Variants in ENOX1 observed in about 807,000 individuals in gnomAD.
The protein encoded by ENOX1 is ecto-NOX disulfide-thiol exchanger 1.
In ENOX1, 42 loss-of-function variants were observed where a neutral mutation model predicts 82.5. The observed-to-expected ratio is 0.51, with a 90% confidence interval of 0.40 to 0.66. The LOEUF is 0.66. Among genes scored for constraint, ENOX1 ranks in the 30% least tolerant of loss-of-function variants. The pLI is 0.00. For missense variants in ENOX1, 608 were observed against 811.6 expected (o/e 0.75, Z 3.05); for synonymous variants, 271 against 282.2 (o/e 0.96, Z 0.40).
chr13:43,616,178 C>A (rs368592885), intron 2 of ENOX1, among the ~76,000 whole-genome samples: 471 of 6,216 alleles, frequency 0.076, 60 homozygotes, highest in East Asian at 0.14. Flanking sequence ...ATCTATCTAT[C>A]TATCTATCTA....
At chr13:43,616,204 ATTTTTT>A (rs58543927) in intron 2 of ENOX1, among the ~76,000 whole-genome samples, 609 of 15,312 alleles carry the variant, frequency 0.04, 169 homozygotes, top group Non-Finnish European at 0.092. Flanking sequence ...ATATATATAT[ATTTTTT>A]TTTTTTTTTT....
At chr13:43,604,421 T>TA (rs1243250085) in intron 2 of ENOX1, among the ~76,000 whole-genome samples, 2 of 152,162 alleles carry the variant, frequency 1.3e-5, no homozygotes, top group Non-Finnish European at 2.9e-5. Flanking sequence ...AAAGCAGTAC[T>TA]AAAAAATTTT....
chr13:43,586,529 C>T (rs188706218), intron 2 of ENOX1, among the ~76,000 whole-genome samples: 1 of 152,310 alleles, frequency 6.6e-6, no homozygotes, highest in East Asian at 1.9e-4. Context: ...TCCTTGAGGG[C>T]TGGGACCTCT....
At chr13:43,364,370 G>A (rs1339634940) in intron 5 of ENOX1, among the ~76,000 whole-genome samples, 1 of 152,152 alleles carries the variant, frequency 6.6e-6, no homozygotes, top group African/African-American at 2.4e-5. Flanking sequence ...ATCCAATTAC[G>A]TATACAGTAG....
At chr13:43,533,186 T>TGATTTTG in intron 2 of ENOX1, among the ~76,000 whole-genome samples, 1 of 152,250 alleles carries the variant, frequency 6.6e-6, no homozygotes, top group South Asian at 2.1e-4. Flanking sequence ...AGTAATGACC[T>TGATTTTG]GATTTTGGAG....
intron 12 of ENOX1, among the ~76,000 whole-genome samples, chr13:43,275,235 G>A (rs946784200): frequency 3.3e-5 from 5 of 152,144 alleles, no homozygotes; most frequent in East Asian, 1.9e-4. Context: ...CAAATTTGAC[G>A]TCCCTTTAAG....
At chr13:43,734,548 G>A (rs2089513119) in intron 1 of ENOX1, among the ~76,000 whole-genome samples, 1 of 152,166 alleles carries the variant, frequency 6.6e-6, no homozygotes, top group Non-Finnish European at 1.5e-5. Context: ...AAATCCTCCT[G>A]GAGGAGGCAA....
chr13:43,579,694 A>G (rs1390942568), intron 2 of ENOX1, among the ~76,000 whole-genome samples: 2 of 152,228 alleles, frequency 1.3e-5, no homozygotes, highest in Non-Finnish European at 2.9e-5. Context: ...GCTTGCTCAG[A>G]AGGCTCATGG....
intron 2 of ENOX1, among the ~76,000 whole-genome samples, chr13:43,570,209 C>T (rs927539885): frequency 6.6e-6 from 1 of 152,138 alleles, no homozygotes; most frequent in African/African-American, 2.4e-5. Flanking sequence ...AGTCACGTTT[C>T]AAAGTCCCAG....
chr13:43,633,287 C>A (rs577173397), intron 2 of ENOX1, among the ~76,000 whole-genome samples: 1 of 152,080 alleles, frequency 6.6e-6, no homozygotes, highest in Non-Finnish European at 1.5e-5. Context: ...TTTTCATAGA[C>A]CATTGATGAG....
intron 2 of ENOX1, among the ~76,000 whole-genome samples, chr13:43,536,283 C>T (rs1203889320): frequency 6.6e-6 from 1 of 152,174 alleles, no homozygotes; most frequent in African/African-American, 2.4e-5. Context: ...AGATTAACCT[C>T]TATAATCACT....
chr13:43,655,833 A>G (rs2084406663), intron 2 of ENOX1, among the ~76,000 whole-genome samples: 1 of 152,156 alleles, frequency 6.6e-6, no homozygotes, highest in Admixed American at 6.5e-5. Flanking sequence ...CCGTTCTGGA[A>G]AAGTTCAAGA....
intron 1 of ENOX1, among the ~76,000 whole-genome samples, chr13:43,670,431 C>T (rs1369855431): frequency 6.6e-6 from 1 of 152,148 alleles, no homozygotes; most frequent in Non-Finnish European, 1.5e-5. Context: ...ATTCCAGCCC[C>T]TAGATACCAT....
intron 10 of ENOX1, among the ~76,000 whole-genome samples, chr13:43,326,056 C>T (rs894189321): frequency 6.6e-6 from 1 of 151,622 alleles, no homozygotes; most frequent in African/African-American, 2.4e-5. Flanking sequence ...GTCATCATCA[C>T]GTAGAACACT....
chr13:43,642,238 A>ACACCCAGGT (rs903381205), intron 2 of ENOX1, among the ~76,000 whole-genome samples: 3 of 152,168 alleles, frequency 2.0e-5, no homozygotes, highest in African/African-American at 7.2e-5. Context: ...ACACATATGA[A>ACACCCAGGT]CACCCAGGTC....
intron 2 of ENOX1, chr13:43,544,327 G>A (rs901028115): frequency 6.6e-6 from 1 of 152,190 alleles, no homozygotes; most frequent in Non-Finnish European, 1.5e-5. Flanking sequence ...CTAGATTGTT[G>A]TAAGGAGTGG....
intron 2 of ENOX1, among the ~76,000 whole-genome samples, chr13:43,501,043 T>A (rs2076962969): frequency 6.6e-6 from 1 of 151,798 alleles, no homozygotes; most frequent in African/African-American, 2.4e-5. Context: ...AATAGTATTT[T>A]ACTTATCAAT....
chr13:43,403,664 T>C (rs977985200), intron 5 of ENOX1, among the ~76,000 whole-genome samples: 2 of 151,898 alleles, frequency 1.3e-5, no homozygotes, highest in Non-Finnish European at 2.9e-5. Flanking sequence ...CTGGGCAACA[T>C]GGTGTGAATT....
At chr13:43,637,243 G>C (rs1393636430) in intron 2 of ENOX1, among the ~76,000 whole-genome samples, 1 of 152,170 alleles carries the variant, frequency 6.6e-6, no homozygotes, top group Non-Finnish European at 1.5e-5. Context: ...TCATAGCTTA[G>C]ATTTAGTCAG....
Sources: allele counts gnomAD v4.1 joint callset (sites outside exome capture counted in the v4.1 genomes callset), GRCh38; gene constraint gnomAD v4.1.1; transcripts MANE v1.5; gene names NCBI Gene and HGNC (gene_info 2026-07-23, HGNC 2026-07-21).